Variants in CELSR1 observed in about 807,000 individuals in gnomAD.
The protein encoded by CELSR1 is adhesion G protein-coupled receptor C1.
In CELSR1, 110 loss-of-function variants were observed where a neutral mutation model predicts 249.1. The ratio of observed to expected loss-of-function variants is 0.44; its 90% CI spans 0.38 to 0.52. The LOEUF is 0.52. CELSR1 is among the 20% of genes least tolerant of loss of function. The pLI is 0.00. For missense variants in CELSR1, 4,109 were observed against 4,296.4 expected (o/e 0.96, Z 1.22); for synonymous variants, 2,113 against 1,900.0 (o/e 1.11, Z -2.92).
chr22:46,514,093 C>T (rs529871612), intron 1 of CELSR1, among the ~76,000 whole-genome samples: 2 of 152,148 alleles, frequency 1.3e-5, no homozygotes, highest in Admixed American at 1.3e-4. Context: ...GCACCCGGCC[C>T]TCATTTGTAA....
chr22:46,504,999 A>C (rs1238048578), intron 1 of CELSR1, among the ~76,000 whole-genome samples: 1 of 152,240 alleles, frequency 6.6e-6, no homozygotes, highest in East Asian at 1.9e-4. Context: ...GCGGCGGCTC[A>C]CGCCTGTAAT....
In CELSR1 at chr22:46,410,834, G is replaced by A. The variant is rs774056179; in HGVS notation, c.4770-273C>T. Reference sequence around the variant, plus strand: ...CCGCCCACCCAGGCTGGTCCACACCGAGACAGGATGTGAGCGCAGGGAGCA... The same window carrying A: ...CCGCCCACCCAGGCTGGTCCACACCAAGACAGGATGTGAGCGCAGGGAGCA... On this transcript the variant is annotated intron_variant, in intron 6 of 34. Coordinates refer to ENST00000674500, the MANE Select transcript of CELSR1 (RefSeq NM_001378328.1). This position sits in a 1 kb window ranked among gnomAD's most constrained non-coding sequence, Gnocchi z 6.8. Among the ~76,000 whole-genome samples, 3 of 152,088 alleles carry A rather than the reference G, an allele frequency of 2.0e-5. No individual in the cohort carries two copies. Among genetic ancestry groups the A allele is most frequent in the Non-Finnish European group, 4.4e-5 (3 of 68,024 alleles).
chr22:46,450,024 G>A (rs757934778), intron 2 of CELSR1, among the ~76,000 whole-genome samples: 2 of 152,020 alleles, frequency 1.3e-5, no homozygotes, highest in Non-Finnish European at 2.9e-5. Context: ...CAGGGCAGTG[G>A]AGGCAGAGCC....
rs1411228873 is a variant in CELSR1, at chr22:46,448,306, G to T, written c.4184-8895C>A. 2.6e-5 allele frequency among the ~76,000 whole-genome samples: 4 copies of T among 152,170 alleles called. No homozygotes were observed. Among genetic ancestry groups the T allele is most frequent in the Non-Finnish European group, 1.5e-5 (1 of 68,026 alleles). On this transcript the variant is annotated intron_variant, in intron 2 of 34. Coordinates refer to ENST00000674500, the MANE Select transcript of CELSR1 (RefSeq NM_001378328.1). This position sits in a 1 kb window ranked among gnomAD's most constrained non-coding sequence, Gnocchi z 5.7. The stretch of plus-strand genomic sequence containing the variant: ...ATGGGGGTGGGGGCAGAGGGCCCAC[G>T]CGAGGGGATGCTGATGTGAACCCCT...
At position 46,475,659 on chromosome 22, in the gene CELSR1, T is replaced by TGGGG. The variant is rs11386552; in HGVS notation, c.3545-11318_3545-11315dup. On this transcript the variant is annotated intron_variant, in intron 1 of 34. Coordinates refer to ENST00000674500, the MANE Select transcript of CELSR1 (RefSeq NM_001378328.1). ...TTGCAATTAAAAATAAAGAAACGAA[T>TGGGG]GGGGGGGGAAGAAACAAGGAGAAAT... 2.4e-3 allele frequency among the ~76,000 whole-genome samples: 353 copies of TGGGG among 149,782 alleles called. 1 individual carries two copies. The highest frequency in any genetic ancestry group is 4.8e-3 in the African/African-American group (195 of 40,778).
In CELSR1 at chr22:46,488,356, C is replaced by T. The variant is rs564735006; in HGVS notation, c.3545-24011G>A. ...ATGAGAGTCCCACTAAGGAGCTGAG[C>T]CCTTCCTGCTCCTAAGCCCGCAGCT... is the stretch of plus-strand genomic sequence containing the variant. On this transcript the variant is annotated intron_variant, in intron 1 of 34. Transcript: ENST00000674500. This position sits in a 1 kb window ranked among gnomAD's most constrained non-coding sequence, Gnocchi z 4.7. Among the ~76,000 whole-genome samples the T allele has an allele frequency of 5.3e-5, 8 of 152,202 alleles. No individual in the cohort carries two copies. The highest frequency in any genetic ancestry group is 1.9e-4 in the African/African-American group (8 of 41,500).
chr22:46,376,524 G>A (rs1031017700), intron 24 of CELSR1, among the ~76,000 whole-genome samples: 31 of 152,042 alleles, frequency 2.0e-4, no homozygotes, highest in African/African-American at 6.5e-4. Context: ...ACAGGTGCCC[G>A]GCACCACGCC....
intron 1 of CELSR1, among the ~76,000 whole-genome samples, chr22:46,467,690 C>T (rs1269871719): frequency 1.3e-5 from 2 of 151,690 alleles, no homozygotes; most frequent in Admixed American, 1.3e-4. Flanking sequence ...GGCATGGTGG[C>T]AGGCGCCTGT....
Position 46,395,801 on chromosome 22 carries a change from C to T in CELSR1, c.5843+804G>A, listed in dbSNP as rs116571572. 0.018 allele frequency among the ~76,000 whole-genome samples: 2,672 copies of T among 152,318 alleles called. 87 individuals carry two copies. The highest frequency in any genetic ancestry group is 0.06 in the African/African-American group (2,504 of 41,558). On this transcript the variant is annotated intron_variant, in intron 13 of 34. Coordinates refer to ENST00000674500, the MANE Select transcript of CELSR1 (RefSeq NM_001378328.1). This position sits in a 1 kb window ranked among gnomAD's most constrained non-coding sequence, Gnocchi z 5.5. ...CCTTGGTTTATGAAGAACCCAGCAG[C>T]TCCACCTTGGACAAAGTGACGCTTG...
At chr22:46,424,712 C>A (rs908986894) in intron 5 of CELSR1, among the ~76,000 whole-genome samples, 2 of 152,222 alleles carry the variant, frequency 1.3e-5, no homozygotes, top group Non-Finnish European at 2.9e-5. Flanking sequence ...GTGGCTTATG[C>A]CTGTAATCCC....
In CELSR1 at chr22:46,440,928, G is replaced by A. The variant is rs1602140649; in HGVS notation, c.4184-1517C>T. Among the ~76,000 whole-genome samples the A allele has an allele frequency of 6.6e-6, 1 of 152,190 alleles. No homozygotes were observed. Among genetic ancestry groups the A allele is most frequent in the Middle Eastern group, 3.4e-3 (1 of 294 alleles). ...AGCACTTTGGGAGGCTGAGGTGGGT[G>A]GATGTCTTGAGGCCAGGAGTTGAAG... is the stretch of plus-strand genomic sequence containing the variant. On this transcript the variant is annotated intron_variant, in intron 2 of 34. Transcript: ENST00000674500. This position sits in a 1 kb window ranked among gnomAD's most constrained non-coding sequence, Gnocchi z 4.7.
chr22:46,389,091 C>T (rs2079060871), intron 18 of CELSR1, among the ~76,000 whole-genome samples, 199 bp downstream of exon 18: 1 of 152,234 alleles, frequency 6.6e-6, no homozygotes, highest in Admixed American at 6.5e-5. Flanking sequence ...TGTTTCCTTC[C>T]AGAACACTCC....
In CELSR1 at chr22:46,444,934, G is replaced by A. The variant is rs554683577; in HGVS notation, c.4184-5523C>T. Among the ~76,000 whole-genome samples the A allele has an allele frequency of 1.1e-3, 164 of 152,332 alleles. 1 individual carries two copies. In the South Asian group the frequency reaches 0.018, roughly 17 times the overall value. On this transcript the variant is annotated intron_variant, in intron 2 of 34. Coordinates refer to ENST00000674500, the MANE Select transcript of CELSR1 (RefSeq NM_001378328.1). Reference sequence around the variant, plus strand: ...TTATTAAAGACACCAGGCCGGGAGCGGTGGCTCGTGCCTGTAATCCCAGCA... The same window carrying A: ...TTATTAAAGACACCAGGCCGGGAGCAGTGGCTCGTGCCTGTAATCCCAGCA...
At chr22:46,366,923 C>T (rs541697519) in intron 29 of CELSR1, 70 bp downstream of exon 29, 7 of 1,535,062 alleles carry the variant, frequency 4.6e-6, no homozygotes, top group East Asian at 2.4e-5. Context: ...GGCTGAGGCT[C>T]GATCACCCTC....
intron 1 of CELSR1, among the ~76,000 whole-genome samples, chr22:46,492,321 T>C (rs1174755025): frequency 6.6e-6 from 1 of 152,234 alleles, no homozygotes; most frequent in Non-Finnish European, 1.5e-5. Context: ...ATGGTCTCAG[T>C]TACGTGTTTC....
intron 5 of CELSR1, among the ~76,000 whole-genome samples, chr22:46,426,389 G>A (rs79761487): frequency 0.044 from 6,700 of 152,232 alleles, 185 homozygotes; most frequent in Middle Eastern, 0.078. Context: ...TGGAGGCTGC[G>A]AGTCCAAAAT....
chr22:46,379,465 A>G (rs1354810941), intron 22 of CELSR1, among the ~76,000 whole-genome samples: 1 of 152,254 alleles, frequency 6.6e-6, no homozygotes, highest in African/African-American at 2.4e-5. Context: ...TAAAGCAGAG[A>G]GCAGGTCATT....
chr22:46,467,622 A>T (rs899058642), intron 1 of CELSR1, among the ~76,000 whole-genome samples: 10 of 152,130 alleles, frequency 6.6e-5, no homozygotes, highest in African/African-American at 2.2e-4. Flanking sequence ...GGAGATCGAG[A>T]TCATCCTGGC....
At chr22:46,498,625 A>G (rs1362791444) in intron 1 of CELSR1, among the ~76,000 whole-genome samples, 2 of 150,664 alleles carry the variant, frequency 1.3e-5, no homozygotes, top group African/African-American at 4.9e-5. Context: ...AAAAAAAAAA[A>G]GAAAAAGAAA....
Sources: gnomAD v4.1 joint callset for allele counts (sites outside exome capture counted in the v4.1 genomes callset) on GRCh38, gnomAD v4.1.1 for gene constraint, Gnocchi (gnomAD v3.1) non-coding constraint, MANE v1.5 for transcripts, NCBI Gene and HGNC (gene_info 2026-07-23, HGNC 2026-07-21) for gene names.